The following SKIC2 variants were observed in gnomAD, a reference collection of about 807,000 sequenced individuals.
SKIC2 encodes SKI2 subunit of superkiller complex.
At chr6:31,960,923 A>G in the SKIC2 span, 1 of 924,558 alleles carries the variant, frequency 1.1e-6, no homozygotes, top group Non-Finnish European at 1.8e-6. Flanking sequence ...GGAAAGTGTC[A>G]TAGCAAACAT....
the SKIC2 span, chr6:31,967,494 C>T: frequency 1.2e-6 from 1 of 829,882 alleles, no homozygotes; most frequent in South Asian, 1.6e-5. This position sits in a 1 kb window ranked among gnomAD's most constrained non-coding sequence, Gnocchi z 4.9. Context: ...TCCCCTCTTG[C>T]CCTCCTTTTC....
chr6:31,959,591 G>C, the SKIC2 span: 9 of 571,338 alleles, frequency 1.6e-5, no homozygotes, highest in South Asian at 1.8e-4. Flanking sequence ...GAAAGGGCTG[G>C]GGATATTTTT....
the SKIC2 span, chr6:31,961,362 C>T: frequency 6.4e-7 from 1 of 1,563,464 alleles, no homozygotes; most frequent in African/African-American, 1.4e-5. Flanking sequence ...CCCGAGCAAG[C>T]AGCTTGGAAG....
At chr6:31,965,932 G>A in the SKIC2 span, 2 of 1,612,996 alleles carry the variant, frequency 1.2e-6, no homozygotes, top group Non-Finnish European at 1.7e-6. The surrounding 1 kb of genome is among the most constrained non-coding windows in gnomAD (Gnocchi z 5.6). Flanking sequence ...CAGGGCGGAG[G>A]GGCCTGGACC....
At chr6:31,966,696 G>T in the SKIC2 span, 2 of 1,613,920 alleles carry the variant, frequency 1.2e-6, no homozygotes, top group South Asian at 2.2e-5. The surrounding 1 kb of genome is among the most constrained non-coding windows in gnomAD (Gnocchi z 5.9). Context: ...TGACTTCTGT[G>T]ACCTGACTCC....
the SKIC2 span, chr6:31,960,667 G>C: frequency 1.3e-6 from 2 of 1,589,306 alleles, no homozygotes; most frequent in Non-Finnish European, 1.7e-6. Context: ...TCTTCCCAGG[G>C]GGGATGGATG....
the SKIC2 span, chr6:31,968,105 T>C: frequency 6.2e-7 from 1 of 1,612,078 alleles, no homozygotes; most frequent in Non-Finnish European, 8.5e-7. This position sits in a 1 kb window ranked among gnomAD's most constrained non-coding sequence, Gnocchi z 6.1. Flanking sequence ...AGGGAGGCCC[T>C]TCTCCTCCAG....
the SKIC2 span, chr6:31,964,401 C>G: frequency 1.5e-6 from 2 of 1,330,238 alleles, no homozygotes; most frequent in South Asian, 2.4e-5. The surrounding 1 kb of genome is among the most constrained non-coding windows in gnomAD (Gnocchi z 5.0). Context: ...TAGGGGCTGC[C>G]CAGAGGGCAG....
the SKIC2 span, chr6:31,967,865 G>A: frequency 6.2e-7 from 1 of 1,612,984 alleles, no homozygotes; most frequent in Non-Finnish European, 8.5e-7. This position sits in a 1 kb window ranked among gnomAD's most constrained non-coding sequence, Gnocchi z 4.9. Flanking sequence ...GCCTGAAGGT[G>A]AGAGTGTGGC....
chr6:31,964,803 G>A, the SKIC2 span, among the ~76,000 whole-genome samples: 1 of 152,196 alleles, frequency 6.6e-6, no homozygotes, highest in Non-Finnish European at 1.5e-5. The surrounding 1 kb of genome is among the most constrained non-coding windows in gnomAD (Gnocchi z 5.0). Context: ...AGTTTGGAAT[G>A]CACGCTGGCA....
chr6:31,962,608 A>G, the SKIC2 span: 5 of 1,610,330 alleles, frequency 3.1e-6, no homozygotes, highest in Non-Finnish European at 4.2e-6. The surrounding 1 kb of genome is among the most constrained non-coding windows in gnomAD (Gnocchi z 5.0). Flanking sequence ...CACTCAATAC[A>G]GGGGAGTTTT....
At chr6:31,966,843 C>T in the SKIC2 span, 1 of 1,614,032 alleles carries the variant, frequency 6.2e-7, no homozygotes, top group African/African-American at 1.3e-5. This position sits in a 1 kb window ranked among gnomAD's most constrained non-coding sequence, Gnocchi z 5.9. Context: ...GCAAAGACAG[C>T]AAGGTAAGGA....
chr6:31,969,448 A>G, the SKIC2 span: 1 of 1,614,072 alleles, frequency 6.2e-7, no homozygotes, highest in Non-Finnish European at 8.5e-7. This position sits in a 1 kb window ranked among gnomAD's most constrained non-coding sequence, Gnocchi z 6.1. Context: ...GGGATTTTGC[A>G]GACGGCTGGC....
At chr6:31,961,639 T>C in the SKIC2 span, 1 of 1,612,844 alleles carries the variant, frequency 6.2e-7, no homozygotes, top group African/African-American at 1.3e-5. Flanking sequence ...CCCCTGTTGG[T>C]GATTTCTATC....
At chr6:31,960,915 A>C in the SKIC2 span, 1 of 905,028 alleles carries the variant, frequency 1.1e-6, no homozygotes, top group Non-Finnish European at 1.8e-6. Flanking sequence ...ATCTGTTGGG[A>C]AAGTGTCATA....
chr6:31,966,838 G>T, the SKIC2 span: 4 of 1,614,210 alleles, frequency 2.5e-6, no homozygotes, highest in Non-Finnish European at 2.5e-6. This position sits in a 1 kb window ranked among gnomAD's most constrained non-coding sequence, Gnocchi z 5.9. Context: ...CTCCCGCAAA[G>T]ACAGCAAGGT....
chr6:31,968,697 G>C, the SKIC2 span: 2 of 1,612,568 alleles, frequency 1.2e-6, no homozygotes, highest in African/African-American at 2.7e-5. This position sits in a 1 kb window ranked among gnomAD's most constrained non-coding sequence, Gnocchi z 6.1. Context: ...ACCTGAAGCT[G>C]CGGGAGCGAA....
the SKIC2 span, chr6:31,963,927 C>T: frequency 1.2e-6 from 2 of 1,611,002 alleles, no homozygotes; most frequent in Admixed American, 1.7e-5. The surrounding 1 kb of genome is among the most constrained non-coding windows in gnomAD (Gnocchi z 5.3). Context: ...GCGGAGTGTA[C>T]CTGTCCCTCC....
the SKIC2 span, chr6:31,968,298 C>A: frequency 6.4e-7 from 1 of 1,563,722 alleles, no homozygotes; most frequent in Non-Finnish European, 8.8e-7. This position sits in a 1 kb window ranked among gnomAD's most constrained non-coding sequence, Gnocchi z 6.1. Flanking sequence ...AAGATCTTAC[C>A]CCAGATCTTA....
Sources: gnomAD v4.1 joint callset for allele counts (sites outside exome capture counted in the v4.1 genomes callset) on GRCh38, gnomAD v4.1.1 for gene constraint, Gnocchi (gnomAD v3.1) non-coding constraint, MANE v1.5 for transcripts, NCBI Gene and HGNC (gene_info 2026-07-23, HGNC 2026-07-21) for gene names.